CNTN4: variants seen among roughly 807,000 people sequenced by gnomAD.
CNTN4 encodes contactin 4.
A neutral mutation model predicts 122.5 loss-of-function variants in CNTN4; 77 were observed. That is an observed-to-expected ratio of 0.63 (90% confidence interval 0.52 to 0.76). The LOEUF (loss-of-function observed/expected upper bound fraction) is 0.76. Ranked by LOEUF, CNTN4 falls within the 30% of genes least tolerant of loss-of-function variation. The pLI, the probability that CNTN4 is intolerant of heterozygous loss-of-function variation, is 0.00. For missense variants in CNTN4, 1,256 were observed against 1,259.1 expected (o/e 1.00, Z 0.04); for synonymous variants, 512 against 447.0 (o/e 1.15, Z -1.83).
chr3:2,556,566 T>C (rs1163061525), intron 3 of CNTN4, among the ~76,000 whole-genome samples: 3 of 152,124 alleles, frequency 2.0e-5, no homozygotes, highest in African/African-American at 7.2e-5. Flanking sequence ...CACAACAAAT[T>C]ATACTGTTAA....
At chr3:2,938,842 A>G (rs985120238) in intron 13 of CNTN4, among the ~76,000 whole-genome samples, 11 of 152,216 alleles carry the variant, frequency 7.2e-5, no homozygotes, top group African/African-American at 2.7e-4. Context: ...GTTCAGAGAA[A>G]ATAGCTGTGT....
chr3:2,099,882 GTA>G (rs1386516348), intron 1 of CNTN4: 1 of 152,306 alleles, frequency 6.6e-6, no homozygotes, highest in African/African-American at 2.4e-5. Flanking sequence ...TGTGCTTCGT[GTA>G]TATGTTTTAC....
chr3:2,795,705 A>G (rs566512295), intron 6 of CNTN4, among the ~76,000 whole-genome samples: 3 of 152,048 alleles, frequency 2.0e-5, no homozygotes, highest in African/African-American at 7.2e-5. Flanking sequence ...TATTTTTAGT[A>G]GAGACGTGGT....
At chr3:2,603,057 G>T (rs1013244987) in intron 4 of CNTN4, among the ~76,000 whole-genome samples, 2 of 152,074 alleles carry the variant, frequency 1.3e-5, no homozygotes, top group South Asian at 2.1e-4. Context: ...TTGTTGTTAA[G>T]ATATATTTTG....
At position 2,709,115 on chromosome 3, in the gene CNTN4, C is replaced by G. The variant is rs148721250; in HGVS notation, c.56-27100C>G. Among the ~76,000 whole-genome samples the G allele has an allele frequency of 8.5e-5, 13 of 152,182 alleles. 1 individual carries two copies. The highest frequency in any genetic ancestry group is 2.7e-4 in the African/African-American group (11 of 41,504). On this transcript the variant is annotated intron_variant, in intron 4 of 24. Transcript: ENST00000418658. This position sits in a 1 kb window ranked among gnomAD's most constrained non-coding sequence, Gnocchi z 5.0. Reference sequence around the variant, plus strand: ...AGACCTCGGTGGCTGAGTTTTTAAGCTAGATCGTTACAAATGAAGCCTTAC... The same window carrying G: ...AGACCTCGGTGGCTGAGTTTTTAAGGTAGATCGTTACAAATGAAGCCTTAC...
chr3:2,506,372 T>C (rs2149038640), intron 3 of CNTN4, among the ~76,000 whole-genome samples: 1 of 152,310 alleles, frequency 6.6e-6, no homozygotes, highest in South Asian at 2.1e-4. Flanking sequence ...TTATAAATAA[T>C]AATGACCTTA....
At chr3:2,650,893 C>T (rs2083329090) in intron 4 of CNTN4, among the ~76,000 whole-genome samples, 1 of 152,072 alleles carries the variant, frequency 6.6e-6, no homozygotes, top group East Asian at 1.9e-4. Flanking sequence ...TGTTTTATTG[C>T]ACTGGTCTGG....
intron 4 of CNTN4, among the ~76,000 whole-genome samples, chr3:2,575,323 C>T (rs1217205925): frequency 3.3e-5 from 5 of 152,130 alleles, no homozygotes; most frequent in South Asian, 2.1e-4. Context: ...AGCAGTGTGG[C>T]CAACATGGCG....
intron 2 of CNTN4, among the ~76,000 whole-genome samples, chr3:2,273,880 G>T (rs2041396281): frequency 6.6e-6 from 1 of 151,874 alleles, no homozygotes; most frequent in Non-Finnish European, 1.5e-5. Context: ...TTTCTTATGA[G>T]GTATCTAAGA....
chr3:2,887,019 C>T, intron 9 of CNTN4, 21 bp from the exon 10 acceptor site: 1 of 1,608,998 alleles, frequency 6.2e-7, no homozygotes. Context: ...TTGATTCACT[C>T]CTTTTTATTC....
At chr3:2,391,128 T>C (rs1409590056) in intron 3 of CNTN4, among the ~76,000 whole-genome samples, 12 of 152,182 alleles carry the variant, frequency 7.9e-5, no homozygotes, top group Admixed American at 7.9e-4. Context: ...GGCATCTTGC[T>C]AACATGATAA....
At chr3:2,595,830 C>T (rs1025527172) in intron 4 of CNTN4, among the ~76,000 whole-genome samples, 21 of 152,122 alleles carry the variant, frequency 1.4e-4, no homozygotes, top group Non-Finnish European at 2.1e-4. Context: ...TCCCCAAACA[C>T]GCAGGTATAA....
chr3:2,787,811 G>T (rs1464543694), intron 6 of CNTN4, among the ~76,000 whole-genome samples: 1 of 147,468 alleles, frequency 6.8e-6, no homozygotes, highest in Non-Finnish European at 1.5e-5. Context: ...TTTTTTTGAG[G>T]CAGGGTCTTG....
intron 6 of CNTN4, among the ~76,000 whole-genome samples, chr3:2,810,037 G>A (rs193057169): frequency 6.6e-6 from 1 of 152,180 alleles, no homozygotes; most frequent in African/African-American, 2.4e-5. Flanking sequence ...GTGAAAAACT[G>A]TGAGAGTCTC....
chr3:2,699,136 A>G (rs1378128998), intron 4 of CNTN4, among the ~76,000 whole-genome samples: 1 of 152,162 alleles, frequency 6.6e-6, no homozygotes, highest in African/African-American at 2.4e-5. Flanking sequence ...ATGATCTTTT[A>G]AAATGTCACC....
chr3:2,969,236 A>C (rs191916268), intron 13 of CNTN4, among the ~76,000 whole-genome samples: 1 of 152,264 alleles, frequency 6.6e-6, no homozygotes, highest in Admixed American at 6.5e-5. Context: ...AATGACCCCT[A>C]GCGGATTATC....
intron 11 of CNTN4, among the ~76,000 whole-genome samples, chr3:2,902,566 A>C (rs1268166629): frequency 6.6e-6 from 1 of 152,192 alleles, no homozygotes; most frequent in Non-Finnish European, 1.5e-5. Flanking sequence ...AAAGTGAAAA[A>C]GCATTTTAAG....
chr3:2,630,177 G>A (rs898304315), intron 4 of CNTN4, among the ~76,000 whole-genome samples: 1 of 152,198 alleles, frequency 6.6e-6, no homozygotes, highest in Non-Finnish European at 1.5e-5. Context: ...GCTCATGCCT[G>A]TAATCTCAGC....
At chr3:2,422,957 T>C (rs1575596901) in intron 3 of CNTN4, among the ~76,000 whole-genome samples, 1 of 152,326 alleles carries the variant, frequency 6.6e-6, no homozygotes, top group South Asian at 2.1e-4. Flanking sequence ...AATTTGAATT[T>C]CCATGCCAAA....
Sources: allele counts gnomAD v4.1 joint callset (sites outside exome capture counted in the v4.1 genomes callset), GRCh38; gene constraint gnomAD v4.1.1; non-coding constraint Gnocchi (gnomAD v3.1); transcripts MANE v1.5; gene names NCBI Gene and HGNC (gene_info 2026-07-23, HGNC 2026-07-21).